The following COL23A1 variants were observed in gnomAD, a reference collection of about 807,000 sequenced individuals.
COL23A1 encodes collagen alpha-1(XXIII) chain.
A neutral mutation model predicts 99.3 loss-of-function variants in COL23A1; 97 were observed. The ratio of observed to expected loss-of-function variants is 0.98; its 90% CI spans 0.83 to 1.16. COL23A1 has a LOEUF of 1.16. Among genes scored for constraint, COL23A1 ranks in the 50% most tolerant of loss-of-function variants. COL23A1 has a pLI of 0.00. For missense variants in COL23A1, 762 were observed against 757.4 expected, an observed-to-expected ratio of 1.01 and a Z score of -0.07; for synonymous variants, 320 against 308.2, an observed-to-expected ratio of 1.04 and a Z score of -0.40.
At chr5:178,488,681 TAA>T (rs11297354) in intron 2 of COL23A1, among the ~76,000 whole-genome samples, 4 of 135,392 alleles carry the variant, frequency 3.0e-5, no homozygotes, top group East Asian at 4.0e-4. Context: ...TATGACTCTT[TAA>T]AAAAAAAAAA....
intron 2 of COL23A1, among the ~76,000 whole-genome samples, chr5:178,361,142 T>G (rs1047994744): frequency 6.6e-6 from 1 of 152,200 alleles, no homozygotes; most frequent in African/African-American, 2.4e-5. Flanking sequence ...TTCTTTAAAC[T>G]TTCTTACTTA....
At chr5:178,433,184 G>A (rs1335434242) in intron 2 of COL23A1, among the ~76,000 whole-genome samples, 1 of 151,824 alleles carries the variant, frequency 6.6e-6, no homozygotes, top group Non-Finnish European at 1.5e-5. Context: ...TGCTCCCACC[G>A]CAGAACCCAG....
At chr5:178,295,011 A>C (rs1405396984) in intron 3 of COL23A1, among the ~76,000 whole-genome samples, 2 of 152,128 alleles carry the variant, frequency 1.3e-5, no homozygotes, top group Non-Finnish European at 2.9e-5. Flanking sequence ...AAAACAAAAC[A>C]AAAAACAAAA....
chr5:178,287,584 C>T (rs143842881), intron 5 of COL23A1, among the ~76,000 whole-genome samples: 64 of 152,276 alleles, frequency 4.2e-4, no homozygotes, highest in Non-Finnish European at 6.3e-4. Context: ...TATCACCAGC[C>T]GTCCTGACTG....
At chr5:178,567,838 GAATA>G (rs1581654023) in intron 1 of COL23A1, among the ~76,000 whole-genome samples, 1 of 151,846 alleles carries the variant, frequency 6.6e-6, no homozygotes, top group Admixed American at 6.6e-5. Context: ...ATAAATGATT[GAATA>G]AATAAATGGA....
intron 2 of COL23A1, among the ~76,000 whole-genome samples, chr5:178,326,211 A>G (rs1426010885): frequency 6.6e-6 from 1 of 152,192 alleles, no homozygotes; most frequent in Non-Finnish European, 1.5e-5. Context: ...GCTCGCGGCA[A>G]GCCTGCTTGA....
intron 2 of COL23A1, among the ~76,000 whole-genome samples, chr5:178,367,555 G>C (rs1360143565): frequency 6.6e-6 from 1 of 152,036 alleles, no homozygotes; most frequent in African/African-American, 2.4e-5. Flanking sequence ...GAGACCCTAG[G>C]TGAACACTAG....
chr5:178,331,014 G>A (rs981609464), intron 2 of COL23A1, among the ~76,000 whole-genome samples: 2 of 152,254 alleles, frequency 1.3e-5, no homozygotes, highest in African/African-American at 4.8e-5. Context: ...AGACTTCTCA[G>A]CCGGATAAAC....
At chr5:178,345,058 T>C in intron 2 of COL23A1, 1 of 586,578 alleles carries the variant, frequency 1.7e-6, no homozygotes, top group Non-Finnish European at 3.3e-6. Context: ...ATTTGGAATC[T>C]TATGTTAAAG....
chr5:178,290,227 TG>T, intron 4 of COL23A1, 134 bp downstream of exon 4: 2 of 1,271,326 alleles, frequency 1.6e-6, no homozygotes, highest in Non-Finnish European at 2.3e-6. Flanking sequence ...CCACCGCACC[TG>T]GCCACTTTTT....
intron 2 of COL23A1, among the ~76,000 whole-genome samples, chr5:178,414,195 G>C (rs971703026): frequency 5.3e-5 from 8 of 152,138 alleles, no homozygotes; most frequent in Non-Finnish European, 1.2e-4. Flanking sequence ...CCTGTGCTGG[G>C]CCAGCATCAG....
At chr5:178,511,898 A>AT (rs1370000510) in intron 2 of COL23A1, among the ~76,000 whole-genome samples, 1 of 152,178 alleles carries the variant, frequency 6.6e-6, no homozygotes, top group Non-Finnish European at 1.5e-5. Flanking sequence ...CAAAAAAAAA[A>AT]TTTTAATTGG....
chr5:178,374,082 AG>A (rs1185825394), intron 2 of COL23A1, among the ~76,000 whole-genome samples: 2 of 152,182 alleles, frequency 1.3e-5, no homozygotes, highest in Admixed American at 1.3e-4. Context: ...AGGATGCGCA[AG>A]GGTACAATTC....
chr5:178,450,500 G>T (rs1767426954), intron 2 of COL23A1, among the ~76,000 whole-genome samples: 1 of 152,150 alleles, frequency 6.6e-6, no homozygotes, highest in East Asian at 1.9e-4. Context: ...GAGAACGAGG[G>T]AGCTACAGAA....
chr5:178,359,946 G>A (rs2127700775), intron 2 of COL23A1, among the ~76,000 whole-genome samples: 1 of 152,316 alleles, frequency 6.6e-6, no homozygotes, highest in South Asian at 2.1e-4. Flanking sequence ...CCGTGGAGCA[G>A]GGGTGGGGTT....
At chr5:178,370,575 C>G (rs60779346) in intron 2 of COL23A1, among the ~76,000 whole-genome samples, 13,503 of 152,124 alleles carry the variant, frequency 0.089, 1,075 homozygotes, top group East Asian at 0.33. Flanking sequence ...TTCAAGAGAG[C>G]TACTGTCCAC....
At chr5:178,472,232 G>T (rs757244812) in intron 2 of COL23A1, among the ~76,000 whole-genome samples, 1 of 152,324 alleles carries the variant, frequency 6.6e-6, no homozygotes, top group East Asian at 1.9e-4. Context: ...TGGGAAAGGG[G>T]CTTGAAGGAA....
intron 2 of COL23A1, among the ~76,000 whole-genome samples, chr5:178,367,223 C>T (rs986546764): frequency 6.6e-6 from 1 of 152,140 alleles, no homozygotes; most frequent in Non-Finnish European, 1.5e-5. Flanking sequence ...CCGAGTCTTC[C>T]GATGATGTCC....
intron 2 of COL23A1, among the ~76,000 whole-genome samples, chr5:178,496,708 A>T (rs1758219616): frequency 6.6e-6 from 1 of 152,242 alleles, no homozygotes; most frequent in Non-Finnish European, 1.5e-5. Flanking sequence ...TAAACAAGCC[A>T]ATATGATTTG....
Sources: gnomAD v4.1 joint callset for allele counts (sites outside exome capture counted in the v4.1 genomes callset) on GRCh38, gnomAD v4.1.1 for gene constraint, MANE v1.5 for transcripts, NCBI Gene and HGNC (gene_info 2026-07-23, HGNC 2026-07-21) for gene names.